VMP1: variants seen among roughly 807,000 people sequenced by gnomAD.
VMP1 encodes the protein vacuole membrane protein 1.
Under a neutral mutation model 56.0 loss-of-function variants are expected in VMP1, and 11 were observed. That is an observed-to-expected ratio of 0.20 (90% CI 0.12 to 0.32). The LOEUF is 0.32. Among genes scored for constraint, VMP1 ranks in the 10% least tolerant of loss-of-function variants. VMP1 has a pLI of 1.00. For synonymous variants in VMP1, 149 were observed against 165.0 expected, an observed-to-expected ratio of 0.90 and a Z score of 0.74; for missense variants, 296 against 490.3, an observed-to-expected ratio of 0.60 and a Z score of 3.74.
chr17:59,836,699 A>T (rs531890894), intron 10 of VMP1, among the ~76,000 whole-genome samples: 39 of 148,318 alleles, frequency 2.6e-4, no homozygotes, highest in South Asian at 6.4e-4. Flanking sequence ...AATGATTTTA[A>T]GTTCCTTGTG....
chr17:59,740,337 C>T (rs1446574265), intron 5 of VMP1, among the ~76,000 whole-genome samples: 2 of 152,110 alleles, frequency 1.3e-5, no homozygotes, highest in Non-Finnish European at 2.9e-5. Context: ...ATTGAAAACA[C>T]TTCCATATTT....
chr17:59,771,329 T>C (rs925519098), intron 6 of VMP1, among the ~76,000 whole-genome samples: 12 of 152,138 alleles, frequency 7.9e-5, no homozygotes, highest in African/African-American at 2.9e-4. Context: ...CAAGCTACCA[T>C]GCCAAGCTAA....
At chr17:59,736,951 G>T (rs1387937087) in intron 3 of VMP1, among the ~76,000 whole-genome samples, 1 of 152,146 alleles carries the variant, frequency 6.6e-6, no homozygotes, top group African/African-American at 2.4e-5. Context: ...TGAGGCAGGA[G>T]AATAGCTTGA....
intron 5 of VMP1, among the ~76,000 whole-genome samples, chr17:59,745,223 C>G (rs1423729321): frequency 6.6e-6 from 1 of 152,190 alleles, no homozygotes; most frequent in Non-Finnish European, 1.5e-5. Flanking sequence ...ACGTCATAAT[C>G]TAACCTATCC....
chr17:59,784,740 A>G (rs1568141397), intron 7 of VMP1: 2 of 152,248 alleles, frequency 1.3e-5, no homozygotes, highest in Non-Finnish European at 2.9e-5. Context: ...TAATTGAACA[A>G]CAGTAATTTT....
At chr17:59,765,316 T>A (rs192667321) in intron 6 of VMP1, among the ~76,000 whole-genome samples, 178 bp downstream of exon 6, 1 of 152,312 alleles carries the variant, frequency 6.6e-6, no homozygotes, top group Non-Finnish European at 1.5e-5. Flanking sequence ...ATGAATGGCA[T>A]TGAGAAGAAA....
At chr17:59,784,405 C>A (rs192794314) in intron 7 of VMP1, among the ~76,000 whole-genome samples, 47 of 151,994 alleles carry the variant, frequency 3.1e-4, no homozygotes, top group African/African-American at 1.1e-3. Flanking sequence ...TTTTATGATT[C>A]CCTTCCTACC....
chr17:59,820,077 CACT>C (rs1382991160), intron 10 of VMP1, among the ~76,000 whole-genome samples: 1 of 152,160 alleles, frequency 6.6e-6, no homozygotes, highest in Non-Finnish European at 1.5e-5. Flanking sequence ...ATATCATCAC[CACT>C]GTCTTCACTC....
chr17:59,808,954 CA>C (rs1197118871), intron 8 of VMP1, 78 bp downstream of exon 8: 7 of 1,136,442 alleles, frequency 6.2e-6, no homozygotes, highest in African/African-American at 1.6e-5. Context: ...CCTGAATTAA[CA>C]AAAGTGCTAT....
At chr17:59,717,145 A>T (rs1266600247) in intron 1 of VMP1, among the ~76,000 whole-genome samples, 1 of 151,814 alleles carries the variant, frequency 6.6e-6, no homozygotes, top group Admixed American at 6.6e-5. Flanking sequence ...ACGCCCGGCT[A>T]ATTTTTCATA....
At chr17:59,797,571 A>G (rs749349050) in intron 7 of VMP1, among the ~76,000 whole-genome samples, 1 of 152,162 alleles carries the variant, frequency 6.6e-6, no homozygotes, top group Non-Finnish European at 1.5e-5. Flanking sequence ...GACATACTGT[A>G]TAATTCCATT....
intron 9 of VMP1, among the ~76,000 whole-genome samples, chr17:59,816,649 C>CA (rs1555626318): frequency 2.6e-5 from 4 of 151,478 alleles, no homozygotes. Context: ...ACTAAAAATA[C>CA]AAAAAATTAG....
At chr17:59,783,928 G>C (rs754176899) in intron 7 of VMP1, among the ~76,000 whole-genome samples, 6 of 152,128 alleles carry the variant, frequency 3.9e-5, no homozygotes, top group Non-Finnish European at 8.8e-5. Context: ...TCAAAAATCT[G>C]TGATGCCTCC....
chr17:59,783,040 CA>C (rs2036882138), intron 7 of VMP1, among the ~76,000 whole-genome samples: 1 of 151,988 alleles, frequency 6.6e-6, no homozygotes. Flanking sequence ...CTAAAAAATA[CA>C]AAAAGTTAGC....
In VMP1 at chr17:59,841,450, CT is replaced by C. The variant is rs1286563383; in HGVS notation, c.*1543del. 6 of 320,590 alleles carry C rather than the reference CT, an allele frequency of 1.9e-5. No individual in the cohort carries two copies. Among genetic ancestry groups the C allele is most frequent in the Non-Finnish European group, 4.4e-5 (6 of 137,610 alleles). 19.9% of individuals were successfully genotyped at this position (320,590 alleles called of 1,614,324 possible). A position where few individuals can be genotyped will look rare whatever the true frequency, so the allele number is the denominator to read the frequency against. ...CCTTCTGTCTGGTGGCACTTAGAGT[CT>C]TTTGTGCCATAATGCAGCAGTATGG... On this transcript the variant is annotated 3_prime_UTR_variant, in exon 12 of 12. Transcript: ENST00000262291.
chr17:59,723,991 C>G (rs552466911), intron 1 of VMP1, among the ~76,000 whole-genome samples: 1 of 152,154 alleles, frequency 6.6e-6, no homozygotes, highest in East Asian at 1.9e-4. Flanking sequence ...GCAGGGGGAT[C>G]ACTTGAGCCC....
At chr17:59,777,416 G>A (rs1362267302) in intron 7 of VMP1, among the ~76,000 whole-genome samples, 2 of 151,044 alleles carry the variant, frequency 1.3e-5, no homozygotes, top group African/African-American at 4.9e-5. Context: ...TTGGTATCCA[G>A]AGGACCGATG....
intron 7 of VMP1, among the ~76,000 whole-genome samples, chr17:59,780,674 C>T (rs968165447): frequency 6.6e-6 from 1 of 152,104 alleles, no homozygotes; most frequent in Non-Finnish European, 1.5e-5. Flanking sequence ...GCAACCTCTG[C>T]CTCCTGGGTT....
chr17:59,752,926 A>G (rs940146750), intron 5 of VMP1, among the ~76,000 whole-genome samples: 1 of 152,214 alleles, frequency 6.6e-6, no homozygotes, highest in African/African-American at 2.4e-5. Context: ...ATCTGTATGT[A>G]TACTATAACA....
Sources: gnomAD v4.1 joint callset for allele counts (sites outside exome capture counted in the v4.1 genomes callset) on GRCh38, gnomAD v4.1.1 for gene constraint, MANE v1.5 for transcripts, NCBI Gene and HGNC (gene_info 2026-07-23, HGNC 2026-07-21) for gene names.